The following FNDC3B variants were observed in gnomAD, a reference collection of about 807,000 sequenced individuals.
FNDC3B encodes the protein fibronectin type III domain containing 3B, also known as fibronectin type III domain-containing protein 3B.
Under a neutral mutation model 151.5 loss-of-function variants are expected in FNDC3B, and 12 were observed. The ratio of observed to expected loss-of-function variants is 0.08; its 90% CI spans 0.05 to 0.13. The LOEUF is 0.13. Ranked by LOEUF, FNDC3B falls within the 10% of genes least tolerant of loss-of-function variation. The pLI is 1.00. For synonymous variants in FNDC3B, 528 were observed against 549.0 expected, an observed-to-expected ratio of 0.96 and a Z score of 0.54; for missense variants, 1,214 against 1,505.3, an observed-to-expected ratio of 0.81 and a Z score of 3.20.
chr3:172,092,633 C>T (rs991708521), intron 1 of FNDC3B, among the ~76,000 whole-genome samples: 8 of 152,052 alleles, frequency 5.3e-5, no homozygotes, highest in African/African-American at 1.7e-4. Flanking sequence ...TACTGTGAAC[C>T]GTAGTAATTT....
chr3:172,293,148 C>T (rs938852895), intron 7 of FNDC3B, among the ~76,000 whole-genome samples: 21 of 152,188 alleles, frequency 1.4e-4, no homozygotes, highest in Non-Finnish European at 2.9e-4. Flanking sequence ...CAGCCCCTCA[C>T]AGGGTGAGGT....
At chr3:172,048,391 T>C (rs1185106790) in intron 1 of FNDC3B, among the ~76,000 whole-genome samples, 1 of 152,218 alleles carries the variant, frequency 6.6e-6, no homozygotes, top group Admixed American at 6.5e-5. Context: ...TCATGGTTTT[T>C]TTAATCTCAA....
chr3:172,112,381 T>G lies in FNDC3B; in HGVS notation c.-28-71T>G, dbSNP rs1941858956. On this transcript the variant is annotated intron_variant, in intron 1 of 25. Coordinates refer to ENST00000415807, the MANE Select transcript of FNDC3B (RefSeq NM_022763.4). Reference sequence around the variant, plus strand: ...TCACGATGGAGCACTTAGATTGTTATGTGACTTGTTGTGTTACAGGTGATT... The same window carrying G: ...TCACGATGGAGCACTTAGATTGTTAGGTGACTTGTTGTGTTACAGGTGATT... 3 of 785,028 alleles carry G rather than the reference T, an allele frequency of 3.8e-6. No homozygotes were observed. The Admixed American group carries it at 5.7e-5, about 15-fold the overall frequency. 48.6% of individuals were successfully genotyped at this position (785,028 alleles called of 1,614,324 possible). A position where few individuals can be genotyped will look rare whatever the true frequency, so the allele number is the denominator to read the frequency against.
At chr3:172,310,777 A>G (rs201721891) in intron 10 of FNDC3B, 51 bp from the exon 11 acceptor site, 178 of 1,370,926 alleles carry the variant, frequency 1.3e-4, no homozygotes, top group Middle Eastern at 1.8e-4. Context: ...GTAACTCATA[A>G]GTTTTGTCTG....
chr3:172,385,383 A>G (rs1352554410), intron 25 of FNDC3B, among the ~76,000 whole-genome samples: 2 of 152,000 alleles, frequency 1.3e-5, no homozygotes, highest in African/African-American at 4.8e-5. Flanking sequence ...ATTCATTTTT[A>G]TTTTTCCAGT....
At chr3:172,163,107 A>T (rs1052218176) in intron 3 of FNDC3B, among the ~76,000 whole-genome samples, 4 of 151,874 alleles carry the variant, frequency 2.6e-5, no homozygotes, top group East Asian at 1.9e-4. Context: ...CTATACAAAA[A>T]TTTTTTTAAA....
intron 1 of FNDC3B, among the ~76,000 whole-genome samples, chr3:172,109,060 T>C (rs1049160307): frequency 6.6e-6 from 1 of 152,240 alleles, no homozygotes; most frequent in Non-Finnish European, 1.5e-5. Context: ...GTTGGCTGCA[T>C]GTAGGCCCCA....
At position 172,155,714 on chromosome 3, in the gene FNDC3B, G is replaced by A. The variant is rs140107919; in HGVS notation, c.187+22168G>A. Reference sequence around the variant, plus strand: ...AGAGCAAAATAGGAGTGAATGGAGAGGATGGGATATTAAATATGTAATAGG... The same window carrying A: ...AGAGCAAAATAGGAGTGAATGGAGAAGATGGGATATTAAATATGTAATAGG... On this transcript the variant is annotated intron_variant, in intron 3 of 25. Transcript: ENST00000415807. Among the ~76,000 whole-genome samples, 50 of 152,322 alleles carry A rather than the reference G, an allele frequency of 3.3e-4. 2 individuals carry two copies. In the East Asian group the frequency reaches 8.5e-3, roughly 26 times the overall value.
At chr3:172,130,777 C>T (rs145058473) in intron 2 of FNDC3B, among the ~76,000 whole-genome samples, 11 of 152,222 alleles carry the variant, frequency 7.2e-5, no homozygotes, top group African/African-American at 2.2e-4. Context: ...CAATTATGAG[C>T]GTGGTAGAAG....
At position 172,362,704 on chromosome 3, in the gene FNDC3B, C is replaced by T; in HGVS notation, c.2867C>T (p.Pro956Leu). 1 of 1,614,046 alleles carries T rather than the reference C, an allele frequency of 6.2e-7. No homozygotes were observed. Among genetic ancestry groups the T allele is most frequent in the Non-Finnish European group, 8.5e-7 (1 of 1,179,980 alleles). The stretch of plus-strand genomic sequence containing the variant: ...CAGTTCATTAAAGCAAAAACTCGGC[C>T]ATTACCACCCTTGCCTCCTAGGCTA... The part of the protein sequence containing the change: ...FSQFIKAKTR[P>L]LPPLPPRLEC... The change falls in exon 23 of 26, where the codon CCA (proline) becomes CTA (leucine). Residue 956 changes from proline (P) to leucine (L), a missense_variant. Physicochemically the swap from Pro to Leu is moderately conservative, Grantham distance 98. Coordinates refer to ENST00000415807, the MANE Select transcript of FNDC3B (RefSeq NM_022763.4).
chr3:172,148,346 C>T (rs569055568), intron 3 of FNDC3B, among the ~76,000 whole-genome samples: 13 of 151,708 alleles, frequency 8.6e-5, no homozygotes, highest in Admixed American at 5.9e-4. Flanking sequence ...AACTGGGCCA[C>T]GGTAAAAGAA....
chr3:172,251,644 G>A (rs1728087119), intron 6 of FNDC3B, 103 bp downstream of exon 6: 2 of 1,138,054 alleles, frequency 1.8e-6, no homozygotes, highest in Admixed American at 2.7e-5. Flanking sequence ...ATGGTGGTTG[G>A]TTGTTCTGCT....
At chr3:172,107,344 T>C (rs1719707063) in intron 1 of FNDC3B, among the ~76,000 whole-genome samples, 1 of 152,142 alleles carries the variant, frequency 6.6e-6, no homozygotes, top group African/African-American at 2.4e-5. Context: ...ATTCGACAAA[T>C]AAATGCGTTG....
chr3:172,120,614 G>C (rs35093820), intron 2 of FNDC3B, among the ~76,000 whole-genome samples: 100 of 151,792 alleles, frequency 6.6e-4, no homozygotes, highest in Non-Finnish European at 1.3e-3. Context: ...TTTACCTTTA[G>C]TTTAAAAGAA....
chr3:172,077,558 T>C (rs1560396806), intron 1 of FNDC3B, among the ~76,000 whole-genome samples: 1 of 152,228 alleles, frequency 6.6e-6, no homozygotes, highest in Non-Finnish European at 1.5e-5. Flanking sequence ...TATGTCGGAC[T>C]TATAAACAAA....
chr3:172,056,612 C>T (rs1166781690), intron 1 of FNDC3B, among the ~76,000 whole-genome samples: 1 of 152,226 alleles, frequency 6.6e-6, no homozygotes, highest in Non-Finnish European at 1.5e-5. Context: ...GTTTTATGCT[C>T]AATCTCTGTG....
chr3:172,067,768 A>G (rs1426283682), intron 1 of FNDC3B, among the ~76,000 whole-genome samples: 1 of 152,208 alleles, frequency 6.6e-6, no homozygotes, highest in Non-Finnish European at 1.5e-5. Flanking sequence ...TCCAAGAGTT[A>G]GTACTACAGA....
chr3:172,133,604 G>A lies in FNDC3B; in HGVS notation c.187+58G>A. On this transcript the variant is annotated intron_variant, in intron 3 of 25. Transcript: ENST00000415807. ...AGATTTTTTTCTTTATTTGAAGGAA[G>A]TAATGTTTTTCTGTGTGTGTCTGCA... 3 of 1,224,894 alleles carry A rather than the reference G, an allele frequency of 2.4e-6. No homozygotes were observed. The East Asian group carries it at 7.0e-5, about 28-fold the overall frequency. 75.9% of individuals were successfully genotyped at this position (1,224,894 alleles called of 1,614,324 possible). A position where few individuals can be genotyped will look rare whatever the true frequency, so the allele number is the denominator to read the frequency against.
intron 6 of FNDC3B, among the ~76,000 whole-genome samples, chr3:172,283,966 G>GTAT (rs1165950050): frequency 6.6e-6 from 1 of 152,096 alleles, no homozygotes; most frequent in African/African-American, 2.4e-5. Flanking sequence ...CAGCCCATTT[G>GTAT]TATTTCTCAC....
Sources: allele counts gnomAD v4.1 joint callset (sites outside exome capture counted in the v4.1 genomes callset), GRCh38; gene constraint gnomAD v4.1.1; transcripts MANE v1.5; gene names NCBI Gene and HGNC (gene_info 2026-07-23, HGNC 2026-07-21).